The following MKS1 variants were observed in gnomAD, a reference collection of about 807,000 sequenced individuals.
MKS1 encodes the protein tectonic-like complex member MKS1.
A neutral mutation model predicts 83.7 loss-of-function variants in MKS1; 70 were observed. The observed-to-expected ratio is 0.84, with a 90% CI of 0.69 to 1.02. The LOEUF is 1.02. Ranked by LOEUF, MKS1 falls within the 50% of genes least tolerant of loss-of-function variation. The pLI, the probability that MKS1 is intolerant of heterozygous loss-of-function variation, is 0.00. For synonymous variants in MKS1, 251 were observed against 273.4 expected (o/e 0.92, Z 0.81); for missense variants, 681 against 726.9 (o/e 0.94, Z 0.73).
At chr17:58,212,219 CA>C (rs1431806367) in intron 9 of MKS1, among the ~76,000 whole-genome samples, 158 bp downstream of exon 9, 2 of 152,156 alleles carry the variant, frequency 1.3e-5, no homozygotes, top group Non-Finnish European at 2.9e-5. Context: ...TGCAATGTTG[CA>C]AAACACATAA....
At chr17:58,217,303 T>C (rs1302928276) in intron 2 of MKS1, among the ~76,000 whole-genome samples, 1 of 152,226 alleles carries the variant, frequency 6.6e-6, no homozygotes, top group Admixed American at 6.5e-5. Context: ...CCAGGAAATA[T>C]CTAATCTAAC....
At position 58,216,154 on chromosome 17, in the gene MKS1, C is replaced by T. The variant is rs370781583; in HGVS notation, c.351G>A (p.Ser117=). The T allele has an allele frequency of 3.8e-5, 62 of 1,614,052 alleles. No individual in the cohort carries two copies. In the African/African-American group the frequency reaches 5.1e-4, roughly 13 times the overall value. Residue 117 remains serine, a synonymous_variant, in exon 4 of 18, where the codon TCG becomes TCA. Transcript: ENST00000393119. Reference sequence around the variant, plus strand: ...AGATTCGTCGGTTTTTCTTGCCACCCGAATTCTCCAGCTTCAGGATCTCCT... The same window carrying T: ...AGATTCGTCGGTTTTTCTTGCCACCTGAATTCTCCAGCTTCAGGATCTCCT... ...YRQEILKLEN[S]GGKKNRRIFT...
chr17:58,217,521 A>G (rs1969288946), intron 2 of MKS1, among the ~76,000 whole-genome samples: 1 of 152,236 alleles, frequency 6.6e-6, no homozygotes, highest in South Asian at 2.1e-4. Context: ...TAACAGAACC[A>G]AATCTGGCTG....
In MKS1 at chr17:58,206,366, G is replaced by C. The variant is rs758838271; in HGVS notation, c.1505C>G (p.Ser502Trp). The change falls in exon 17 of 18, where the codon TCG becomes TGG. Residue 502 changes from serine to tryptophan, a missense_variant. Coordinates refer to ENST00000393119, the MANE Select transcript of MKS1 (RefSeq NM_017777.4). ...CCGCATCCTTTTCTGAAGGGAGCTC[G>C]ATTCCATGAAGGCCCTGCAGGGAGG... ...CLQQSRAFME[S>W]SSLQKRMRSV... 9.3e-5 allele frequency: 150 copies of C among 1,614,086 alleles called. 2 individuals carry two copies. In the South Asian group the frequency reaches 1.5e-3, roughly 16 times the overall value.
At position 58,219,250 on chromosome 17, in the gene MKS1, G is replaced by A. The variant is rs115507363; in HGVS notation, c.-20C>T. 1,043 of 1,549,162 alleles carry A rather than the reference G, an allele frequency of 6.7e-4. 3 individuals carry two copies. The highest frequency in any genetic ancestry group is 5.5e-3 in the African/African-American group (404 of 73,162). ...CGCCATGACAGCTGCGACGCGCCGC[G>A]ACTGCGCCGGAAAGCGCGCCGCTCT... is the stretch of plus-strand genomic sequence containing the variant. On this transcript the variant is annotated 5_prime_UTR_variant, in exon 1 of 18. Coordinates refer to ENST00000393119, the MANE Select transcript of MKS1 (RefSeq NM_017777.4).
At chr17:58,206,437 C>A in intron 16 of MKS1, 28 bp downstream of exon 16, 17 of 1,614,042 alleles carry the variant, frequency 1.1e-5, no homozygotes, top group Non-Finnish European at 1.4e-5. Flanking sequence ...GGCTAAGGTG[C>A]CCTGAGGCAG....
chr17:58,218,353 C>T (rs995625019), intron 2 of MKS1, among the ~76,000 whole-genome samples: 18 of 143,386 alleles, frequency 1.3e-4, no homozygotes, highest in Non-Finnish European at 2.7e-4. Flanking sequence ...GAGGCTGAGG[C>T]AGGAGAATCG....
chr17:58,215,282 T>G (rs1183579092), intron 4 of MKS1, among the ~76,000 whole-genome samples: 1 of 152,164 alleles, frequency 6.6e-6, no homozygotes, highest in African/African-American at 2.4e-5. Context: ...ATATATTTTT[T>G]TAAGAGACAG....
At chr17:58,213,650 A>G (rs1475451611) in intron 7 of MKS1, 115 bp downstream of exon 7, 3 of 810,082 alleles carry the variant, frequency 3.7e-6, no homozygotes, top group Non-Finnish European at 6.5e-6. Context: ...ATTGCCTGGG[A>G]ATGTAAAAGT....
Position 58,213,038 on chromosome 17 carries a change from C to T in MKS1, c.802G>A (p.Val268Ile). 3 of 1,614,166 alleles carry T rather than the reference C, an allele frequency of 1.9e-6. No individual in the cohort carries two copies. The highest frequency in any genetic ancestry group is 2.5e-6 in the Non-Finnish European group (3 of 1,180,036). Residue 268 changes from valine to isoleucine, a missense_variant, in exon 8 of 18, where the codon GTT becomes ATT. This residue lies in a region of MKS1 where 365 missense variants were observed against 383.8 expected (regional missense o/e 0.95). Transcript: ENST00000393119. ...TCCTCCGGCTGTGCGTGGGGGGAAA[C>T]ATTGTCGATCGTATATTTCCACAGC... ...QELWKYTIDNVSPHAQPEEEE... is the reference protein window; with the variant it reads ...QELWKYTIDNISPHAQPEEEE...
intron 7 of MKS1, among the ~76,000 whole-genome samples, chr17:58,213,463 C>G (rs978110585): frequency 1.3e-5 from 2 of 152,220 alleles, no homozygotes; most frequent in African/African-American, 4.8e-5. Flanking sequence ...CAGGAAAAGC[C>G]TGGCTGAGTT....
At position 58,206,123 on chromosome 17, in the gene MKS1, G is replaced by A. The variant is rs1968486431; in HGVS notation, c.1636C>T (p.Leu546Phe). The part of the protein sequence containing the change: ...RRRMQEARES[L>F]PQDLVSPSGT... ...GAGGGGCTCACTAGGTCCTGCGGGAGGCTTTCCCGGGCCTCCTGCATGCGG... is the reference window on the plus strand; with the variant it reads ...GAGGGGCTCACTAGGTCCTGCGGGAAGCTTTCCCGGGCCTCCTGCATGCGG... The change falls in exon 18 of 18, where the codon CTC becomes TTC. Residue 546 changes from leucine to phenylalanine, a missense_variant. Around this residue, in one of 3 missense-constraint regions of MKS1, gnomAD observed 310 missense variants for 321.7 expected, o/e 0.96. Transcript: ENST00000393119. 4 of 1,613,620 alleles carry A rather than the reference G, an allele frequency of 2.5e-6. No homozygotes were observed. Among genetic ancestry groups the A allele is most frequent in the Non-Finnish European group, 3.4e-6 (4 of 1,179,896 alleles).
At chr17:58,219,089 C>A in intron 1 of MKS1, 62 bp downstream of exon 1, 1 of 1,538,962 alleles carries the variant, frequency 6.5e-7, no homozygotes, top group Non-Finnish European at 8.8e-7. Flanking sequence ...ACACCGAGCT[C>A]AGGTTGGAAT....
Position 58,212,963 on chromosome 17 carries a change from G to A in MKS1, c.858+19C>T, listed in dbSNP as rs367750788. On this transcript the variant is annotated intron_variant, in intron 8 of 17. Coordinates refer to ENST00000393119, the MANE Select transcript of MKS1 (RefSeq NM_017777.4). ...ACTGAGGCTCATCCCTTGGATACTT[G>A]GAATGAACTTGCGCTTACATCCTTG... is the stretch of plus-strand genomic sequence containing the variant. 23 of 1,609,416 alleles carry A rather than the reference G, an allele frequency of 1.4e-5. No individual in the cohort carries two copies. Among genetic ancestry groups the A allele is most frequent in the Non-Finnish European group, 1.9e-5 (22 of 1,175,904 alleles).
intron 5 of MKS1, 101 bp downstream of exon 5, chr17:58,214,640 A>G (rs575720187): frequency 6.9e-4 from 836 of 1,211,986 alleles, no homozygotes; most frequent in Non-Finnish European, 8.5e-4. Flanking sequence ...TTACAAAGTA[A>G]TACTTGAATA....
rs34092089 is a variant in MKS1, at chr17:58,206,106, C to G, written c.1653G>C (p.Val551=). The G allele has an allele frequency of 2.9e-5, 46 of 1,613,012 alleles. No homozygotes were observed. The African/African-American group carries it at 5.7e-4, about 20-fold the overall frequency. Residue 551 remains valine, a synonymous_variant, in exon 18 of 18, where the codon GTG becomes GTC. Transcript: ENST00000393119. ...AGGAGACCAGGGTTCCAGAGGGGCT[C>G]ACTAGGTCCTGCGGGAGGCTTTCCC... ...EARESLPQDL[V]SPSGTLVS
chr17:58,214,998 A>G (rs1969110279), intron 4 of MKS1, 160 bp from the exon 5 acceptor site: 1 of 1,145,798 alleles, frequency 8.7e-7, no homozygotes, highest in Admixed American at 2.1e-5. Flanking sequence ...GCAGTAGCCA[A>G]ACAACCCAAA....
rs62636631 is a variant in MKS1 at position 58,216,678 on chromosome 17, C to T, written c.249G>A (p.Lys83=). ...EEEIVIGWQE[K]LFSQFEVDLY... is the part of the protein sequence containing the mutation. ...GACACTGGCTCACCTGGCTAAAGAGCTTCTCCTGCCACCCAATCACAATCT... is the reference window on the plus strand; with the variant it reads ...GACACTGGCTCACCTGGCTAAAGAGTTTCTCCTGCCACCCAATCACAATCT... The change falls in exon 3 of 18, where the codon AAG becomes AAA. Residue 83 remains lysine, a synonymous_variant. Transcript: ENST00000393119. 56 of 1,614,216 alleles carry T rather than the reference C, an allele frequency of 3.5e-5. No homozygotes were observed. In the African/African-American group the frequency reaches 6.3e-4, roughly 18 times the overall value.
At chr17:58,218,478 AAAGCCAC>A in intron 2 of MKS1, 135 bp downstream of exon 2, 1 of 412,822 alleles carries the variant, frequency 2.4e-6, no homozygotes, top group Non-Finnish European at 4.4e-6. Flanking sequence ...AAAAAAAAAA[AAAGCCAC>A]AAATAGAATG....
Sources: gnomAD v4.1 joint callset for allele counts (sites outside exome capture counted in the v4.1 genomes callset) on GRCh38, gnomAD v4.1.1 for gene constraint, gnomAD v4.1.1 regional missense constraint, MANE v1.5 for transcripts, NCBI Gene and HGNC (gene_info 2026-07-23, HGNC 2026-07-21) for gene names.